Variants in SIK3 observed in about 807,000 individuals in gnomAD.
The protein encoded by SIK3 is serine/threonine-protein kinase SIK3.
In SIK3, 28 loss-of-function variants were observed where a neutral mutation model predicts 144.2. That is an observed-to-expected ratio of 0.19 (90% confidence interval 0.14 to 0.27). The LOEUF is 0.27. Ranked by LOEUF, SIK3 falls within the 10% of genes least tolerant of loss-of-function variation. The pLI is 1.00. For missense variants in SIK3, 1,319 were observed against 1,776.0 expected (o/e 0.74, Z 4.62); for synonymous variants, 686 against 676.3 (o/e 1.01, Z -0.22).
chr11:116,917,747 G>A lies in SIK3; in HGVS notation c.616+9472C>T, dbSNP rs202085969. ...GGAGGAAGGGAAAGAGAGAGAGAGA[G>A]AGAGGAAAGAGAGCGAGAGAGAAAG... On this transcript the variant is annotated intron_variant, in intron 4 of 24. Coordinates refer to ENST00000445177, the MANE Select transcript of SIK3 (RefSeq NM_001366686.3). Among the ~76,000 whole-genome samples, 4 of 150,346 alleles carry A rather than the reference G, an allele frequency of 2.7e-5. No individual in the cohort carries two copies. In the East Asian group the frequency reaches 7.8e-4, roughly 29 times the overall value.
chr11:116,987,823 T>G (rs1002408215), intron 1 of SIK3, among the ~76,000 whole-genome samples: 1 of 152,180 alleles, frequency 6.6e-6, no homozygotes, highest in Non-Finnish European at 1.5e-5. Flanking sequence ...CTCAAACTGT[T>G]GAAGAATCAT....
chr11:116,976,627 T>A lies in SIK3; in HGVS notation c.274-19563A>T, dbSNP rs145955343. 7.9e-5 allele frequency among the ~76,000 whole-genome samples: 12 copies of A among 152,372 alleles called. No homozygotes were observed. The East Asian group carries it at 2.3e-3, about 29-fold the overall frequency. On this transcript the variant is annotated intron_variant, in intron 1 of 24. Coordinates refer to ENST00000445177, the MANE Select transcript of SIK3 (RefSeq NM_001366686.3). ...ATCTTGTTTCTTCTAGTTCTTGACA[T>A]TCCAGATATTGATAGTTATCTTCCT...
chr11:116,983,947 T>G (rs1267992868), intron 1 of SIK3, among the ~76,000 whole-genome samples: 1 of 146,902 alleles, frequency 6.8e-6, no homozygotes, highest in Non-Finnish European at 1.5e-5. Context: ...GCTACTTGGG[T>G]GGCTGAGGCA....
chr11:116,971,939 T>C (rs933434381), intron 1 of SIK3, among the ~76,000 whole-genome samples: 9 of 151,242 alleles, frequency 6.0e-5, no homozygotes, highest in Admixed American at 5.9e-4. Context: ...ATACGAAAAA[T>C]TACCTGGGCG....
Position 116,875,968 on chromosome 11 carries a change from G to A in SIK3, c.1137C>T (p.Tyr379=). The change falls in exon 9 of 25, where the codon TAC becomes TAT. Residue 379 remains tyrosine, a synonymous_variant. Coordinates refer to ENST00000445177, the MANE Select transcript of SIK3 (RefSeq NM_001366686.3). ...SDAYDHYSAI[Y]SLLCDRHKRH... ...TCTTATGTCGATCACACAGCAGGCT[G>A]TAGATTGCACTATAGTGATCATAGG... is the stretch of plus-strand genomic sequence containing the variant. 4 of 1,613,804 alleles carry A rather than the reference G, an allele frequency of 2.5e-6. No individual in the cohort carries two copies. Among genetic ancestry groups the A allele is most frequent in the Non-Finnish European group, 3.4e-6 (4 of 1,179,928 alleles).
chr11:117,098,350 G>A lies in SIK3; in HGVS notation c.66C>T (p.Pro22=), dbSNP rs1055286400. The A allele has an allele frequency of 1.7e-6, 2 of 1,153,286 alleles. No homozygotes were observed. The highest frequency in any genetic ancestry group is 2.1e-6 in the Non-Finnish European group (2 of 940,702). 71.4% of individuals were successfully genotyped at this position (1,153,286 alleles called of 1,614,324 possible). Residue 22 remains proline (P), a synonymous_variant, in exon 1 of 25, where the codon CCC becomes CCT. Coordinates refer to ENST00000445177, the MANE Select transcript of SIK3 (RefSeq NM_001366686.3). The part of the protein sequence containing the change: ...AAGAGTGGAG[P]AGRLLPPPAP... Reference sequence around the variant, plus strand: ...CGGGCGGAGGCAGCAGGCGGCCCGCGGGCCCGGCTCCCCCAGTCCCGGCCC... The same window carrying A: ...CGGGCGGAGGCAGCAGGCGGCCCGCAGGCCCGGCTCCCCCAGTCCCGGCCC...
intron 1 of SIK3, among the ~76,000 whole-genome samples, chr11:116,988,698 G>A (rs1256427937): frequency 6.6e-6 from 1 of 151,868 alleles, no homozygotes; most frequent in Non-Finnish European, 1.5e-5. Flanking sequence ...GGAGGCTGAG[G>A]TGGAAGGATT....
chr11:117,037,684 A>C (rs1005552512), intron 1 of SIK3, among the ~76,000 whole-genome samples: 39 of 152,266 alleles, frequency 2.6e-4, no homozygotes, highest in African/African-American at 9.1e-4. Flanking sequence ...TAACAACATA[A>C]GGCAACCAGC....
intron 15 of SIK3, among the ~76,000 whole-genome samples, chr11:116,865,445 G>A (rs1444078041): frequency 2.0e-5 from 3 of 152,130 alleles, no homozygotes; most frequent in Non-Finnish European, 2.9e-5. Context: ...GAGAAGCACT[G>A]ATAAGTATCA....
At chr11:116,893,135 T>C (rs999785077) in intron 6 of SIK3, among the ~76,000 whole-genome samples, 2 of 152,212 alleles carry the variant, frequency 1.3e-5, no homozygotes, top group African/African-American at 4.8e-5. Context: ...GGTGAATACA[T>C]GTCACTATAC....
intron 1 of SIK3, among the ~76,000 whole-genome samples, chr11:117,021,928 C>CAAAAAAAAAAAAAAAAAAAA (rs71037444): frequency 1.5e-4 from 9 of 59,002 alleles, no homozygotes; most frequent in East Asian, 6.6e-4. Context: ...TCTGTCTCTA[C>CAAAAAAAAAAAAAAAAAAAA]AAAAAAAAAA....
chr11:116,855,677 A>T (rs1942852493), intron 21 of SIK3: 1 of 152,276 alleles, frequency 6.6e-6, no homozygotes, highest in Non-Finnish European at 1.5e-5. Context: ...AGTGCCCTGC[A>T]CACCCGGGAC....
At chr11:117,054,597 G>A (rs1486818015) in intron 1 of SIK3, among the ~76,000 whole-genome samples, 1 of 152,158 alleles carries the variant, frequency 6.6e-6, no homozygotes, top group East Asian at 1.9e-4. Context: ...GAAATGATAA[G>A]GAGTGGTTGG....
chr11:116,951,405 A>G (rs1231122043), intron 3 of SIK3, among the ~76,000 whole-genome samples: 1 of 152,168 alleles, frequency 6.6e-6, no homozygotes, highest in Non-Finnish European at 1.5e-5. Flanking sequence ...ATCAATAATA[A>G]CATTTCAAAT....
At position 116,875,905 on chromosome 11, in the gene SIK3, C is replaced by A; in HGVS notation, c.1200G>T (p.Met400Ile). Residue 400 changes from methionine (M) to isoleucine (I), a missense_variant, in exon 9 of 25, where the codon ATG (methionine) becomes ATT (isoleucine). Physicochemically the swap from Met to Ile is conservative, Grantham distance 10. Transcript: ENST00000445177. Reference sequence around the variant, plus strand: ...GTGCTTGAAAGGCCAGGGCTCGGGGCATGCTAGGAAGTGCTCCGAGACGCA... The same window carrying A: ...GTGCTTGAAAGGCCAGGGCTCGGGGAATGCTAGGAAGTGCTCCGAGACGCA... Reference protein sequence around the residue: ...KTLRLGALPSMPRALAFQAPV... With the variant: ...KTLRLGALPSIPRALAFQAPV... 1 of 1,610,512 alleles carries A rather than the reference C, an allele frequency of 6.2e-7. No individual in the cohort carries two copies. The highest frequency in any genetic ancestry group is 1.1e-5 in the South Asian group (1 of 90,836).
At chr11:117,049,442 A>G (rs1471080250) in intron 1 of SIK3, among the ~76,000 whole-genome samples, 1 of 150,930 alleles carries the variant, frequency 6.6e-6, no homozygotes, top group East Asian at 2.0e-4. Context: ...CCCAAGCATC[A>G]TGGTGCATGC....
At chr11:116,865,147 C>T (rs1410506816) in intron 15 of SIK3, 1 of 151,246 alleles carries the variant, frequency 6.6e-6, no homozygotes. Flanking sequence ...ATTTCTGTTT[C>T]TACTTCAGGT....
intron 1 of SIK3, among the ~76,000 whole-genome samples, chr11:117,018,774 G>A (rs1213819473): frequency 1.0e-4 from 15 of 150,480 alleles, no homozygotes; most frequent in South Asian, 2.1e-4. Flanking sequence ...GTACAGTAGT[G>A]CATCTCAACT....
chr11:117,019,951 A>G (rs80054374), intron 1 of SIK3, among the ~76,000 whole-genome samples: 12,115 of 151,986 alleles, frequency 0.08, 612 homozygotes, highest in African/African-American at 0.13. Flanking sequence ...GTTTATTGAT[A>G]CTATTGAGCC....
Sources: allele counts gnomAD v4.1 joint callset (sites outside exome capture counted in the v4.1 genomes callset), GRCh38; gene constraint gnomAD v4.1.1; transcripts MANE v1.5; gene names NCBI Gene and HGNC (gene_info 2026-07-23, HGNC 2026-07-21).